The following SEMA3E variants were observed in gnomAD, a reference collection of about 807,000 sequenced individuals.
The protein encoded by SEMA3E is semaphorin 3E, also known as semaphorin-3E.
A neutral mutation model predicts 93.6 loss-of-function variants in SEMA3E; 49 were observed. The observed-to-expected ratio is 0.52, with a 90% CI of 0.42 to 0.66. SEMA3E has a LOEUF of 0.66. SEMA3E is among the 30% of genes least tolerant of loss of function. SEMA3E has a pLI of 0.00. For synonymous variants in SEMA3E, 363 were observed against 330.7 expected, an observed-to-expected ratio of 1.10 and a Z score of -1.06; for missense variants, 906 against 964.8, an observed-to-expected ratio of 0.94 and a Z score of 0.81.
chr7:83,604,176 G>T (rs1437984281), intron 1 of SEMA3E, among the ~76,000 whole-genome samples: 3 of 151,978 alleles, frequency 2.0e-5, no homozygotes, highest in Non-Finnish European at 2.9e-5. Context: ...ATAGGTTGAA[G>T]GAGGACAGAG....
At chr7:83,488,061 T>C (rs1172816041) in intron 2 of SEMA3E, among the ~76,000 whole-genome samples, 3 of 151,708 alleles carry the variant, frequency 2.0e-5, no homozygotes, top group South Asian at 2.1e-4. Context: ...ATATGCAAGC[T>C]GATTCATAAA....
intron 1 of SEMA3E, among the ~76,000 whole-genome samples, chr7:83,600,486 ATTTTTTTTTTTTTTTTTTTTT>A (rs71522671): frequency 1.6e-4 from 10 of 63,076 alleles, no homozygotes; most frequent in Admixed American, 5.0e-4. Context: ...CGCCCAGCTA[ATTTTTTTTTTTTTTTTTTTTT>A]TTTTTTTTTT....
chr7:83,381,713 C>A (rs902722332), intron 16 of SEMA3E, among the ~76,000 whole-genome samples: 76 of 151,702 alleles, frequency 5.0e-4, no homozygotes, highest in African/African-American at 1.8e-3. Context: ...GAAAAAACAC[C>A]CAATAAAATT....
chr7:83,616,612 C>A (rs1434341148), intron 1 of SEMA3E: 1 of 375,816 alleles, frequency 2.7e-6, no homozygotes. Flanking sequence ...TTATTCTTGC[C>A]TTTTTACTTG....
intron 1 of SEMA3E, among the ~76,000 whole-genome samples, chr7:83,646,852 G>A (rs1794085306): frequency 6.6e-6 from 1 of 151,922 alleles, no homozygotes; most frequent in Admixed American, 6.6e-5. Context: ...GAAAACACAA[G>A]TACCCCAATA....
intron 1 of SEMA3E, among the ~76,000 whole-genome samples, chr7:83,630,492 C>G (rs1793764392): frequency 6.6e-6 from 1 of 151,938 alleles, no homozygotes; most frequent in Admixed American, 6.6e-5. Context: ...GAAAAACATC[C>G]CAAAGATATC....
At chr7:83,537,411 G>C (rs1163271963) in intron 1 of SEMA3E, among the ~76,000 whole-genome samples, 2 of 152,088 alleles carry the variant, frequency 1.3e-5, no homozygotes, top group Non-Finnish European at 2.9e-5. Context: ...CGCTCCCTTG[G>C]GAGCCCTTTG....
intron 1 of SEMA3E, among the ~76,000 whole-genome samples, chr7:83,505,792 G>T (rs2115622045): frequency 6.6e-6 from 1 of 152,060 alleles, no homozygotes; most frequent in East Asian, 1.9e-4. Flanking sequence ...AAGGGGGGCA[G>T]ATCACAAGGT....
At chr7:83,506,408 A>C (rs1162260410) in intron 1 of SEMA3E, among the ~76,000 whole-genome samples, 2 of 152,174 alleles carry the variant, frequency 1.3e-5, no homozygotes, top group African/African-American at 4.8e-5. Context: ...GTGGGATCTA[A>C]AAATCAAAAT....
In SEMA3E at chr7:83,363,735, G is replaced by GT. The variant is rs984243696; in HGVS notation, c.*3850dup. 1 of 151,956 alleles carries GT rather than the reference G, an allele frequency of 6.6e-6. No individual in the cohort carries two copies. The highest frequency in any genetic ancestry group is 2.4e-5 in the African/African-American group (1 of 41,372). The allele number at this position is 151,956 out of a possible 1,614,324, so 9.4% of individuals were successfully genotyped here. A position where few individuals can be genotyped will look rare whatever the true frequency, so the allele number is the denominator to read the frequency against. On this transcript the variant is annotated 3_prime_UTR_variant, in exon 17 of 17. Coordinates refer to ENST00000643230, the MANE Select transcript of SEMA3E (RefSeq NM_012431.3). ...ATGGAACTCAGTGTGACGCTCTGCT[G>GT]TAAGAAAAAGAGTATGGACTTCTTA...
intron 16 of SEMA3E, 127 bp from the exon 17 acceptor site, chr7:83,368,165 T>G (rs1282229466): frequency 1.3e-6 from 1 of 782,946 alleles, no homozygotes; most frequent in Non-Finnish European, 2.1e-6. Flanking sequence ...CTGAAAATCA[T>G]ACATACACAA....
chr7:83,416,420 C>A (rs1363858680), intron 5 of SEMA3E, among the ~76,000 whole-genome samples: 3 of 152,018 alleles, frequency 2.0e-5, no homozygotes, highest in East Asian at 1.9e-4. Context: ...CTTTTAAATT[C>A]TTGGCTTCAT....
intron 1 of SEMA3E, among the ~76,000 whole-genome samples, chr7:83,607,974 T>G (rs535205917): frequency 2.2e-4 from 34 of 152,148 alleles, no homozygotes; most frequent in Non-Finnish European, 3.5e-4. Context: ...CCTAGCACTT[T>G]GGGAAGCCAA....
At chr7:83,531,155 T>A (rs1182339817) in intron 1 of SEMA3E, among the ~76,000 whole-genome samples, 1 of 151,914 alleles carries the variant, frequency 6.6e-6, no homozygotes, top group Non-Finnish European at 1.5e-5. Context: ...TGCCCTAATA[T>A]GTGCTTACCA....
intron 16 of SEMA3E, 31 bp downstream of exon 16, chr7:83,385,263 A>G (rs771975608): frequency 6.2e-7 from 1 of 1,611,584 alleles, no homozygotes; most frequent in Non-Finnish European, 8.5e-7. Flanking sequence ...TATGCAAAAT[A>G]CTATGTTTTG....
At chr7:83,480,530 C>T (rs1464954346) in intron 2 of SEMA3E, among the ~76,000 whole-genome samples, 1 of 152,042 alleles carries the variant, frequency 6.6e-6, no homozygotes, top group Non-Finnish European at 1.5e-5. Flanking sequence ...GTTTGAATTA[C>T]AGCTAACAGA....
intron 4 of SEMA3E, among the ~76,000 whole-genome samples, chr7:83,426,269 T>C (rs1432485136): frequency 6.6e-6 from 1 of 151,828 alleles, no homozygotes; most frequent in Non-Finnish European, 1.5e-5. Context: ...ATAAGACACA[T>C]GCATTTGTAT....
chr7:83,467,151 C>T (rs1653194589), intron 3 of SEMA3E, among the ~76,000 whole-genome samples: 1 of 150,042 alleles, frequency 6.7e-6, no homozygotes, highest in Admixed American at 6.7e-5. Context: ...TGCAGCCTCG[C>T]ATTCCCAGGC....
chr7:83,435,097 T>C (rs1202746584), intron 4 of SEMA3E, among the ~76,000 whole-genome samples: 1 of 152,322 alleles, frequency 6.6e-6, no homozygotes, highest in Middle Eastern at 3.4e-3. Context: ...TTAGTCCATA[T>C]TGTGTCCATT....
Sources: allele counts gnomAD v4.1 joint callset (sites outside exome capture counted in the v4.1 genomes callset), GRCh38; gene constraint gnomAD v4.1.1; transcripts MANE v1.5; gene names NCBI Gene and HGNC (gene_info 2026-07-23, HGNC 2026-07-21).